ANXA10: variants seen among roughly 807,000 people sequenced by gnomAD.
ANXA10 encodes annexin A10, also known as annexin 14.
ANXA10 carries 49 observed loss-of-function variants against 53.5 expected under a neutral mutation model. The observed-to-expected ratio is 0.92, with a 90% CI of 0.73 to 1.16. ANXA10 has a LOEUF of 1.16. Ranked by LOEUF, ANXA10 falls within the 50% of genes most tolerant of loss-of-function variation. The probability of loss-of-function intolerance (pLI) is 0.00; values close to 1 mark genes in which losing one functional copy is unlikely to be tolerated. For synonymous variants in ANXA10, 131 were observed against 128.9 expected, an observed-to-expected ratio of 1.02 and a Z score of -0.11; for missense variants, 393 against 394.4, an observed-to-expected ratio of 1.00 and a Z score of 0.03.
At chr4:168,146,453 T>C (rs1187597139) in intron 3 of ANXA10, among the ~76,000 whole-genome samples, 1 of 152,206 alleles carries the variant, frequency 6.6e-6, no homozygotes, top group Admixed American at 6.5e-5. Flanking sequence ...ATCCTATGAA[T>C]TGTGATTTCC....
chr4:168,117,704 G>A (rs1262083546), intron 1 of ANXA10, among the ~76,000 whole-genome samples: 1 of 152,146 alleles, frequency 6.6e-6, no homozygotes, highest in Non-Finnish European at 1.5e-5. Flanking sequence ...ATAGACCAAA[G>A]ACTTCCAATA....
chr4:168,152,366 C>T (rs1353441483), intron 3 of ANXA10, among the ~76,000 whole-genome samples: 1 of 152,240 alleles, frequency 6.6e-6, no homozygotes, highest in South Asian at 2.1e-4. Flanking sequence ...AAGAAGCCCG[C>T]TGTAGCCAGA....
chr4:168,139,563 C>A lies in ANXA10; in HGVS notation c.178C>A (p.Gln60Lys), dbSNP rs1181133133. The A allele has an allele frequency of 6.2e-7, 1 of 1,611,300 alleles. No individual in the cohort carries two copies. The highest frequency in any genetic ancestry group is 1.7e-5 in the Admixed American group (1 of 59,994). ...AQRMMIAEAYQSMYGRDLIGD... is the reference protein window; with the variant it reads ...AQRMMIAEAYKSMYGRDLIGD... Reference sequence around the variant, plus strand: ...AAGGATGATGATTGCAGAGGCATACCAGAGCATGTATGGCCGGGTAAGGCC... The same window carrying A: ...AAGGATGATGATTGCAGAGGCATACAAGAGCATGTATGGCCGGGTAAGGCC... Residue 60 changes from glutamine (Q) to lysine (K), a missense_variant, in exon 3 of 12, where the codon CAG becomes AAG. By Grantham distance (53) the Gln-to-Lys change is moderately conservative (BLOSUM62 1). Transcript: ENST00000359299.
chr4:168,122,371 C>T (rs1388616554), intron 1 of ANXA10, among the ~76,000 whole-genome samples: 1 of 152,146 alleles, frequency 6.6e-6, no homozygotes, highest in Non-Finnish European at 1.5e-5. Flanking sequence ...AAGTAATTTA[C>T]GTTGAAACTC....
intron 1 of ANXA10, among the ~76,000 whole-genome samples, chr4:168,096,655 C>T (rs1730545663): frequency 6.6e-6 from 1 of 151,694 alleles, no homozygotes; most frequent in Non-Finnish European, 1.5e-5. Context: ...TCTTTCTGCA[C>T]CTCAATTTTT....
intron 2 of ANXA10, among the ~76,000 whole-genome samples, chr4:168,138,594 A>G (rs2149471899): frequency 6.6e-6 from 1 of 152,234 alleles, no homozygotes; most frequent in East Asian, 1.9e-4. Context: ...TTGGCTCCAT[A>G]TGAACTTTAG....
intron 1 of ANXA10, 178 bp from the exon 2 acceptor site, chr4:168,127,906 T>C: frequency 1.8e-6 from 1 of 564,142 alleles, no homozygotes; most frequent in Non-Finnish European, 3.2e-6. Context: ...GTATTTTTTG[T>C]AGAGAGGGGG....
chr4:168,158,231 C>A (rs561724853), intron 3 of ANXA10, among the ~76,000 whole-genome samples: 29 of 152,218 alleles, frequency 1.9e-4, no homozygotes, highest in Non-Finnish European at 3.4e-4. Flanking sequence ...GGCTTATTCC[C>A]AGTTTGTAAG....
At chr4:168,149,058 A>C (rs924028153) in intron 3 of ANXA10, among the ~76,000 whole-genome samples, 3 of 151,862 alleles carry the variant, frequency 2.0e-5, no homozygotes, top group African/African-American at 7.3e-5. Context: ...TTTTTTCTAT[A>C]GATTCTCTGT....
At chr4:168,138,659 A>C (rs1252373321) in intron 2 of ANXA10, among the ~76,000 whole-genome samples, 1 of 152,176 alleles carries the variant, frequency 6.6e-6, no homozygotes, top group Non-Finnish European at 1.5e-5. Flanking sequence ...TAGTGATTGC[A>C]TTGAACCTGT....
chr4:168,153,457 A>AAAAAAAAAAAAAAT lies in ANXA10; in HGVS notation c.196-9070_196-9069insAAAAAAAAAAAATA, dbSNP rs1731539014. On this transcript the variant is annotated intron_variant, in intron 3 of 11. Transcript: ENST00000359299. ...AAAAAAAAAACAAAAACAAAAACAA[A>AAAAAAAAAAAAAAT]ACAAAAAAAAAAACCAATAACAACA... 4.0e-5 allele frequency among the ~76,000 whole-genome samples: 2 copies of AAAAAAAAAAAAAAT among 50,272 alleles called. 1 individual carries two copies. The highest frequency in any genetic ancestry group is 1.0e-4 in the Non-Finnish European group (2 of 19,954). 33.0% of individuals were successfully genotyped at this position (50,272 alleles called of 152,430 possible). A position where few individuals can be genotyped will look rare whatever the true frequency, so the allele number is the denominator to read the frequency against.
At chr4:168,135,626 C>T (rs6832786) in intron 2 of ANXA10, among the ~76,000 whole-genome samples, 102,943 of 151,928 alleles carry the variant, frequency 0.68, 36,539 homozygotes, top group African/African-American at 0.88. Flanking sequence ...GGTGTGTTGG[C>T]ACATGAGGAA....
At chr4:168,119,916 GCTT>G (rs1327544964) in intron 1 of ANXA10, among the ~76,000 whole-genome samples, 5 of 152,008 alleles carry the variant, frequency 3.3e-5, no homozygotes, top group Non-Finnish European at 5.9e-5. Flanking sequence ...TTGGATTCAA[GCTT>G]CTTCTTTGCC....
chr4:168,128,957 A>T (rs1350221675), intron 2 of ANXA10, among the ~76,000 whole-genome samples: 1 of 151,746 alleles, frequency 6.6e-6, no homozygotes, highest in Non-Finnish European at 1.5e-5. Context: ...AAAATATTAT[A>T]TATATAATTT....
At chr4:168,135,927 C>T (rs1731229869) in intron 2 of ANXA10, among the ~76,000 whole-genome samples, 1 of 152,174 alleles carries the variant, frequency 6.6e-6, no homozygotes, top group African/African-American at 2.4e-5. Flanking sequence ...TGGCTCATGG[C>T]TTTGCAGGCT....
intron 2 of ANXA10, among the ~76,000 whole-genome samples, chr4:168,130,406 A>T (rs1187199873): frequency 6.6e-6 from 1 of 152,048 alleles, no homozygotes; most frequent in Non-Finnish European, 1.5e-5. Flanking sequence ...ATCTATGCTC[A>T]TGAGAAATGT....
chr4:168,099,837 T>C (rs1441908228), intron 1 of ANXA10, among the ~76,000 whole-genome samples: 1 of 152,102 alleles, frequency 6.6e-6, no homozygotes, highest in Non-Finnish European at 1.5e-5. Flanking sequence ...TTTTAGTCAT[T>C]TGGCAGAGGG....
chr4:168,098,633 C>G (rs780745788), intron 1 of ANXA10, among the ~76,000 whole-genome samples: 28 of 152,102 alleles, frequency 1.8e-4, no homozygotes, highest in Non-Finnish European at 3.7e-4. Flanking sequence ...AGCTTTTGGA[C>G]ATGCATTTGT....
At position 168,124,368 on chromosome 4, in the gene ANXA10, TGTGACTGTGAGTCACG is replaced by T. The variant is rs1218112895; in HGVS notation, c.19-3712_19-3697del. Reference sequence around the variant, plus strand: ...ACAGAAGTTCCTTTTAGCTGGAGTGTGTGACTGTGAGTCACGGTGTAGGAATAGAGAGGCTCAGGAG... The same window carrying T: ...ACAGAAGTTCCTTTTAGCTGGAGTGTGTGTAGGAATAGAGAGGCTCAGGAG... On this transcript the variant is annotated intron_variant, in intron 1 of 11. Coordinates refer to ENST00000359299, the MANE Select transcript of ANXA10 (RefSeq NM_007193.5). Among the ~76,000 whole-genome samples, 18 of 152,294 alleles carry T rather than the reference TGTGACTGTGAGTCACG, an allele frequency of 1.2e-4. No individual in the cohort carries two copies. In the East Asian group the frequency reaches 3.5e-3, roughly 29 times the overall value.
Sources: allele counts gnomAD v4.1 joint callset (sites outside exome capture counted in the v4.1 genomes callset), GRCh38; gene constraint gnomAD v4.1.1; transcripts MANE v1.5; gene names NCBI Gene and HGNC (gene_info 2026-07-23, HGNC 2026-07-21).